PRH1: variants seen among roughly 807,000 people sequenced by gnomAD.
The protein encoded by PRH1 is salivary acidic proline-rich phosphoprotein 1/2.
In PRH1, 7 loss-of-function variants were observed where a neutral mutation model predicts 7.9. That is an observed-to-expected ratio of 0.89 (90% CI 0.50 to 1.67). PRH1 has a LOEUF of 1.67. Ranked by LOEUF, PRH1 falls within the 40% of genes most tolerant of loss-of-function variation. The probability of loss-of-function intolerance (pLI) is 0.00; values close to 1 mark genes in which losing one functional copy is unlikely to be tolerated. For synonymous variants in PRH1, 45 were observed against 80.8 expected, an observed-to-expected ratio of 0.56 and a Z score of 2.38; for missense variants, 109 against 223.6, an observed-to-expected ratio of 0.49 and a Z score of 3.27.
chr12:10,913,239 G>A (rs1410269466), intron 2 of PRH1, among the ~76,000 whole-genome samples: 1 of 152,154 alleles, frequency 6.6e-6, no homozygotes, highest in Non-Finnish European at 1.5e-5. Flanking sequence ...GGATCATGAG[G>A]TCAGGAGATC....
At chr12:10,891,308 C>T (rs139827888) in intron 2 of PRH1, among the ~76,000 whole-genome samples, 75 of 152,248 alleles carry the variant, frequency 4.9e-4, no homozygotes, top group African/African-American at 1.7e-3. Context: ...CACCAAAGGC[C>T]TGTAACAACT....
rs1193336029 is a variant in PRH1, at chr12:10,923,995, T to TG, written c.-58-39721_-58-39720insC. Among the ~76,000 whole-genome samples, 104 of 136,718 alleles carry TG rather than the reference T, an allele frequency of 7.6e-4. No individual in the cohort carries two copies. In the East Asian group the frequency reaches 0.02, roughly 27 times the overall value. The allele number at this position is 136,718 out of a possible 152,430, so 89.7% of individuals were successfully genotyped here. A position where few individuals can be genotyped will look rare whatever the true frequency, so the allele number is the denominator to read the frequency against. On this transcript the variant is annotated intron_variant, in intron 2 of 3. Transcript: ENST00000539853. ...TTTTATTCATTTCTCCATCTGTTTTTTTTTTTTTTTTTTTTTTTGAGACGG... is the reference window on the plus strand; with the variant it reads ...TTTTATTCATTTCTCCATCTGTTTTTGTTTTTTTTTTTTTTTTTTGAGACGG...
At chr12:10,928,411 C>A (rs750847344) in intron 2 of PRH1, among the ~76,000 whole-genome samples, 43 of 152,268 alleles carry the variant, frequency 2.8e-4, no homozygotes, top group Non-Finnish European at 5.7e-4. Context: ...ATAGAATATT[C>A]TGGAGAAAGT....
At chr12:10,972,012 G>A (rs1295941546) in intron 2 of PRH1, among the ~76,000 whole-genome samples, 1 of 152,100 alleles carries the variant, frequency 6.6e-6, no homozygotes, top group Admixed American at 6.6e-5. Flanking sequence ...CCAGAGATAT[G>A]CCTTCAGTCA....
chr12:10,993,426 T>C (rs1270387838), intron 1 of PRH1, among the ~76,000 whole-genome samples: 1 of 152,140 alleles, frequency 6.6e-6, no homozygotes, highest in Non-Finnish European at 1.5e-5. Flanking sequence ...TCAAATATAG[T>C]AAAATACCAT....
At chr12:10,970,759 C>G (rs1277666481) in intron 2 of PRH1, among the ~76,000 whole-genome samples, 1 of 151,868 alleles carries the variant, frequency 6.6e-6, no homozygotes, top group Non-Finnish European at 1.5e-5. Context: ...TAGATACGGG[C>G]TTTCACCATG....
intron 1 of PRH1, among the ~76,000 whole-genome samples, chr12:11,002,071 T>C (rs1037082525): frequency 6.6e-6 from 1 of 152,186 alleles, no homozygotes; most frequent in Non-Finnish European, 1.5e-5. Flanking sequence ...TAAACTAAAC[T>C]ATACTTAAAA....
chr12:10,922,675 G>T (rs1950062551), intron 2 of PRH1, among the ~76,000 whole-genome samples: 1 of 151,828 alleles, frequency 6.6e-6, no homozygotes, highest in African/African-American at 2.4e-5. Context: ...TCTTCTGCTT[G>T]ATATGGCAGT....
chr12:10,927,994 G>T (rs1241332476), intron 2 of PRH1, among the ~76,000 whole-genome samples: 1 of 152,112 alleles, frequency 6.6e-6, no homozygotes, highest in African/African-American at 2.4e-5. Flanking sequence ...TCCAATTGTA[G>T]AGACAAAAAT....
At chr12:10,948,156 A>G (rs1950516322) in intron 2 of PRH1, among the ~76,000 whole-genome samples, 1 of 152,186 alleles carries the variant, frequency 6.6e-6, no homozygotes, top group Admixed American at 6.5e-5. Flanking sequence ...TATTTCCTGA[A>G]TATGTCTGTT....
chr12:11,090,203 C>A (rs1211319198), intron 1 of PRH1, among the ~76,000 whole-genome samples: 36 of 101,394 alleles, frequency 3.6e-4, no homozygotes, highest in South Asian at 5.4e-4. Flanking sequence ...TACAAAGTTA[C>A]GGCTCATCCC....
At chr12:11,145,541 A>G (rs191471718) in intron 1 of PRH1, among the ~76,000 whole-genome samples, 1 of 152,290 alleles carries the variant, frequency 6.6e-6, no homozygotes, top group East Asian at 1.9e-4. Flanking sequence ...ATAATCCCTC[A>G]ATATTAGAAT....
At chr12:11,070,720 C>T (rs1944026247) in intron 1 of PRH1, among the ~76,000 whole-genome samples, 1 of 150,392 alleles carries the variant, frequency 6.6e-6, no homozygotes, top group Non-Finnish European at 1.5e-5. Context: ...CAGATATTGG[C>T]CACCCCAGCA....
In PRH1 at chr12:10,881,403, C is replaced by T. The variant is rs554353436; in HGVS notation, c.*19-347G>A. On this transcript the variant is annotated intron_variant, in intron 3 of 3. Transcript: ENST00000543626. Reference sequence around the variant, plus strand: ...TGAATCCAGCCTTAATATCCAGTGACAGGGATTGGTTAAATAGATTACGGA... The same window carrying T: ...TGAATCCAGCCTTAATATCCAGTGATAGGGATTGGTTAAATAGATTACGGA... 7.2e-5 allele frequency among the ~76,000 whole-genome samples: 11 copies of T among 152,244 alleles called. No homozygotes were observed. In the East Asian group the frequency reaches 1.9e-3, roughly 27 times the overall value.
At chr12:11,025,208 C>T (rs1047021867) in intron 1 of PRH1, among the ~76,000 whole-genome samples, 3 of 151,838 alleles carry the variant, frequency 2.0e-5, no homozygotes, top group East Asian at 1.9e-4. Context: ...TTAGTAGAGA[C>T]GGGGTTTCAC....
chr12:11,071,185 T>C (rs555918970), intron 1 of PRH1, among the ~76,000 whole-genome samples: 1 of 151,538 alleles, frequency 6.6e-6, no homozygotes, highest in African/African-American at 2.4e-5. Flanking sequence ...CACCACAGAA[T>C]TTTTACCTCC....
intron 1 of PRH1, among the ~76,000 whole-genome samples, chr12:11,146,045 G>C (rs901155616): frequency 6.6e-6 from 1 of 152,076 alleles, no homozygotes; most frequent in Non-Finnish European, 1.5e-5. Flanking sequence ...TAGATATAAA[G>C]TGTATGTATT....
chr12:11,072,231 C>T (rs1181089477), intron 1 of PRH1, among the ~76,000 whole-genome samples: 5 of 152,128 alleles, frequency 3.3e-5, no homozygotes, highest in Non-Finnish European at 4.4e-5. Flanking sequence ...AATAGATATT[C>T]CCAACTGTGC....
intron 1 of PRH1, among the ~76,000 whole-genome samples, chr12:10,991,691 C>A (rs374368262): frequency 3.3e-5 from 5 of 149,304 alleles, no homozygotes; most frequent in Non-Finnish European, 7.5e-5. Context: ...ACCAAAAAAA[C>A]CAGACATAAT....
Sources: gnomAD v4.1 joint callset for allele counts (sites outside exome capture counted in the v4.1 genomes callset) on GRCh38, gnomAD v4.1.1 for gene constraint, MANE v1.5 for transcripts, NCBI Gene and HGNC (gene_info 2026-07-23, HGNC 2026-07-21) for gene names.